The following PCLO variants were observed in gnomAD, a reference collection of about 807,000 sequenced individuals.
PCLO encodes the protein piccolo presynaptic cytomatrix protein, also known as protein piccolo.
Under a neutral mutation model 427.5 loss-of-function variants are expected in PCLO, and 82 were observed. The observed-to-expected ratio is 0.19, with a 90% CI of 0.16 to 0.23. The LOEUF (loss-of-function observed/expected upper bound fraction) is 0.23, where lower values mean the gene tolerates loss of function less well. Among genes scored for constraint, PCLO ranks in the 10% least tolerant of loss-of-function variants. The pLI, the probability that PCLO is intolerant of heterozygous loss-of-function variation, is 1.00. For missense variants in PCLO, 6,239 were observed against 6,115.9 expected (o/e 1.02, Z -0.67); for synonymous variants, 2,357 against 2,155.4 (o/e 1.09, Z -2.59).
intron 3 of PCLO, among the ~76,000 whole-genome samples, chr7:83,130,160 G>A (rs78108841): frequency 0.02 from 2,954 of 146,624 alleles, 90 homozygotes; most frequent in African/African-American, 0.067. Context: ...TGTTGTTGTT[G>A]TTATTATTTG....
rs915713255 is a variant in PCLO at position 83,155,303 on chromosome 7, T to G, written c.1338A>C (p.Pro446=). Residue 446 remains proline (P), a synonymous_variant, in exon 2 of 25, where the codon CCA becomes CCC. Coordinates refer to ENST00000333891, the MANE Select transcript of PCLO (RefSeq NM_033026.6). ...CTGCCTGTTGAGCTGGAATCTTTCC[T>G]GGCCCAGGCTGCTGAACTGGAGTCT... ...PTKTPVQQPG[P]GKIPAQQAGP... is the part of the protein sequence containing the mutation. 5 of 1,613,964 alleles carry G rather than the reference T, an allele frequency of 3.1e-6. No individual in the cohort carries two copies. The highest frequency in any genetic ancestry group is 4.2e-6 in the Non-Finnish European group (5 of 1,179,882).
intron 3 of PCLO, among the ~76,000 whole-genome samples, chr7:82,977,955 T>C (rs1290321214): frequency 7.9e-5 from 12 of 152,174 alleles, no homozygotes; most frequent in Non-Finnish European, 1.5e-5. Context: ...TGTTTCCCTG[T>C]GATTTTGGAG....
intron 3 of PCLO, among the ~76,000 whole-genome samples, chr7:83,082,838 A>G (rs1698145601): frequency 6.6e-6 from 1 of 151,834 alleles, no homozygotes; most frequent in Non-Finnish European, 1.5e-5. Flanking sequence ...GGTATTAAAA[A>G]TTTATAAAGA....
At chr7:83,033,402 G>T (rs187944068) in intron 3 of PCLO, among the ~76,000 whole-genome samples, 31 of 152,188 alleles carry the variant, frequency 2.0e-4, no homozygotes, top group Non-Finnish European at 3.5e-4. Context: ...CTGAACACCT[G>T]GTATCTGTTA....
rs73161233 is a variant in PCLO at position 83,000,266 on chromosome 7, G to A, written c.3301-33779C>T. On this transcript the variant is annotated intron_variant, in intron 3 of 24. Transcript: ENST00000333891. ...AAGAGTAGAGTAAAATATTCAAAGT[G>A]TTGAGAGAGAGAGAGAGAGAGAGAG... Among the ~76,000 whole-genome samples, 61 of 80,626 alleles carry A rather than the reference G, an allele frequency of 7.6e-4. No individual in the cohort carries two copies. The South Asian group carries it at 0.015, about 20-fold the overall frequency. The allele number at this position is 80,626 out of a possible 152,430, so 52.9% of individuals were successfully genotyped here. A position where few individuals can be genotyped will look rare whatever the true frequency, so the allele number is the denominator to read the frequency against.
intron 20 of PCLO, among the ~76,000 whole-genome samples, chr7:82,806,668 CAG>C (rs1257887797): frequency 6.6e-6 from 1 of 152,144 alleles, no homozygotes; most frequent in Non-Finnish European, 1.5e-5. Flanking sequence ...TGTCTTCCGC[CAG>C]AGAGAGTGAA....
intron 4 of PCLO, among the ~76,000 whole-genome samples, chr7:82,961,373 G>A (rs1396827147): frequency 6.6e-6 from 1 of 152,120 alleles, no homozygotes; most frequent in East Asian, 1.9e-4. Context: ...GCTTTGTTCA[G>A]GAATCACACA....
In PCLO at chr7:82,754,624, C is replaced by T. The variant is rs1194074329; in HGVS notation, c.*3951G>A. The T allele has an allele frequency of 6.6e-6, 1 of 152,048 alleles. No individual in the cohort carries two copies. The highest frequency in any genetic ancestry group is 1.5e-5 in the Non-Finnish European group (1 of 67,944). 9.4% of individuals were successfully genotyped at this position (152,048 alleles called of 1,614,324 possible). A position where few individuals can be genotyped will look rare whatever the true frequency, so the allele number is the denominator to read the frequency against. On this transcript the variant is annotated 3_prime_UTR_variant, in exon 25 of 25. Coordinates refer to ENST00000333891, the MANE Select transcript of PCLO (RefSeq NM_033026.6). ...GCATTAAGAAAATGCTCTCAATCTACCTATCAGATAAAGAATTTGATTAAA... is the reference window on the plus strand; with the variant it reads ...GCATTAAGAAAATGCTCTCAATCTATCTATCAGATAAAGAATTTGATTAAA...
At chr7:82,938,164 T>C (rs2116368283) in intron 6 of PCLO, among the ~76,000 whole-genome samples, 1 of 151,982 alleles carries the variant, frequency 6.6e-6, no homozygotes, top group African/African-American at 2.4e-5. Context: ...GAACAAAACA[T>C]CAGTAAGAAA....
At chr7:83,090,120 T>C (rs182474903) in intron 3 of PCLO, among the ~76,000 whole-genome samples, 46 of 152,168 alleles carry the variant, frequency 3.0e-4, no homozygotes, top group African/African-American at 1.1e-3. Context: ...CTGGCCAACA[T>C]GGTAAACCCT....
chr7:83,094,587 A>T (rs1326021670), intron 3 of PCLO, among the ~76,000 whole-genome samples: 1 of 152,158 alleles, frequency 6.6e-6, no homozygotes, highest in East Asian at 1.9e-4. Context: ...TCTTGTTCTG[A>T]GTATTCCACG....
chr7:83,138,321 A>G (rs1257902829), intron 2 of PCLO, among the ~76,000 whole-genome samples: 1 of 152,190 alleles, frequency 6.6e-6, no homozygotes, highest in African/African-American at 2.4e-5. Flanking sequence ...TTTTATGCAA[A>G]TATTTATTGA....
At chr7:82,906,814 T>G (rs1258700067) in intron 8 of PCLO, among the ~76,000 whole-genome samples, 1 of 151,972 alleles carries the variant, frequency 6.6e-6, no homozygotes, top group Non-Finnish European at 1.5e-5. Flanking sequence ...GTATGTTAGA[T>G]GTGAAAATGT....
chr7:83,035,453 T>A (rs999244087), intron 3 of PCLO, among the ~76,000 whole-genome samples: 1 of 152,164 alleles, frequency 6.6e-6, no homozygotes, highest in Non-Finnish European at 1.5e-5. Context: ...TGTAAATAAA[T>A]GTCCACAAGA....
At chr7:82,920,141 T>C (rs1229719787) in intron 6 of PCLO, among the ~76,000 whole-genome samples, 4 of 151,818 alleles carry the variant, frequency 2.6e-5, no homozygotes, top group Non-Finnish European at 5.9e-5. Context: ...AAAAAACCTC[T>C]CAACTAGTTA....
At chr7:83,010,295 T>A (rs1034171763) in intron 3 of PCLO, among the ~76,000 whole-genome samples, 2 of 151,892 alleles carry the variant, frequency 1.3e-5, no homozygotes, top group Admixed American at 6.6e-5. Flanking sequence ...ATTTTTTAGG[T>A]ATCTCAACTC....
intron 16 of PCLO, among the ~76,000 whole-genome samples, chr7:82,828,347 T>C (rs1055059144): frequency 2.0e-5 from 3 of 152,046 alleles, no homozygotes; most frequent in Non-Finnish European, 2.9e-5. Flanking sequence ...GTTTTGTACA[T>C]ACGGAAAAGC....
intron 2 of PCLO, among the ~76,000 whole-genome samples, chr7:83,150,383 G>A (rs746720229): frequency 1.3e-5 from 2 of 152,222 alleles, no homozygotes; most frequent in Non-Finnish European, 2.9e-5. Flanking sequence ...GCCTAGGCTT[G>A]CAGCCAGTGG....
At chr7:83,065,488 G>T in intron 3 of PCLO, among the ~76,000 whole-genome samples, 1 of 135,524 alleles carries the variant, frequency 7.4e-6, no homozygotes, top group Non-Finnish European at 1.6e-5. Context: ...CAAAAATGCA[G>T]CTCAAAATGT....
Sources: gnomAD v4.1 joint callset for allele counts (sites outside exome capture counted in the v4.1 genomes callset) on GRCh38, gnomAD v4.1.1 for gene constraint, MANE v1.5 for transcripts, NCBI Gene and HGNC (gene_info 2026-07-23, HGNC 2026-07-21) for gene names.